The following TTC16 variants were observed in gnomAD, a reference collection of about 807,000 sequenced individuals.
TTC16 encodes the protein tetratricopeptide repeat protein 16.
TTC16 carries 66 observed loss-of-function variants against 80.4 expected under a neutral mutation model. The observed-to-expected ratio is 0.82, with a 90% CI of 0.67 to 1.01. The LOEUF (loss-of-function observed/expected upper bound fraction) is 1.01, where lower values mean the gene tolerates loss of function less well. TTC16 is among the 50% of genes least tolerant of loss of function. The pLI is 0.00. For synonymous variants in TTC16, 438 were observed against 451.3 expected (o/e 0.97, Z 0.37); for missense variants, 1,070 against 1,103.2 (o/e 0.97, Z 0.43).
Position 127,717,685 on chromosome 9 carries a change from G to C in TTC16, c.339G>C (p.Ser113=), listed in dbSNP as rs780250108. The stretch of plus-strand genomic sequence containing the variant: ...ACCTCCAGCTCTGTGACTTCTCCTC[G>C]GCCGCCCAGAACCTGCGAAGGGCCT... ...EAYLQLCDFS[S]AAQNLRRAYS... The change falls in exon 4 of 14, where the codon TCG becomes TCC. Residue 113 remains serine, a synonymous_variant. Coordinates refer to ENST00000373289, the MANE Select transcript of TTC16 (RefSeq NM_144965.3). 6.2e-7 allele frequency: 1 copy of C among 1,613,956 alleles called. No individual in the cohort carries two copies. Among genetic ancestry groups the C allele is most frequent in the Non-Finnish European group, 8.5e-7 (1 of 1,180,016 alleles).
In TTC16 at chr9:127,720,407, A is replaced by G. The variant is rs1255688776; in HGVS notation, c.657+12A>G. The G allele has an allele frequency of 1.6e-4, 117 of 754,274 alleles. No individual in the cohort carries two copies. Among genetic ancestry groups the G allele is most frequent in the Admixed American group, 5.1e-4 (24 of 46,672 alleles). The allele number at this position is 754,274 out of a possible 1,614,324, so 46.7% of individuals were successfully genotyped here. A position where few individuals can be genotyped will look rare whatever the true frequency, so the allele number is the denominator to read the frequency against. On this transcript the variant is annotated intron_variant, in intron 6 of 13. Coordinates refer to ENST00000373289, the MANE Select transcript of TTC16 (RefSeq NM_144965.3). ...ACTTTCTCCAGAAGGTACAGTGGGG[A>G]GGGCGGGCAGGGGCATGCCCCCCAA... is the stretch of plus-strand genomic sequence containing the variant.
rs1240076343 is a variant in TTC16, at chr9:127,722,677, C to T, written c.658-442C>T. ...TCTCCTTCAAGAGGCAGAAAGGGGC[C>T]AGGCATGGAGACTCAAACCTGTAAT... On this transcript the variant is annotated intron_variant, in intron 6 of 13. Coordinates refer to ENST00000373289, the MANE Select transcript of TTC16 (RefSeq NM_144965.3). The surrounding 1 kb of genome is among the most constrained non-coding windows in gnomAD (Gnocchi z 4.2). Among the ~76,000 whole-genome samples, 1 of 152,092 alleles carries T rather than the reference C, an allele frequency of 6.6e-6. No individual in the cohort carries two copies. The highest frequency in any genetic ancestry group is 1.5e-5 in the Non-Finnish European group (1 of 68,024).
chr9:127,717,120 C>G lies in TTC16; in HGVS notation c.191+104C>G, dbSNP rs780806088. The G allele has an allele frequency of 4.1e-6, 6 of 1,450,500 alleles. No homozygotes were observed. The South Asian group carries it at 6.0e-5, about 14-fold the overall frequency. The allele number at this position is 1,450,500 out of a possible 1,614,324, so 89.9% of individuals were successfully genotyped here. A position where few individuals can be genotyped will look rare whatever the true frequency, so the allele number is the denominator to read the frequency against. On this transcript the variant is annotated intron_variant, in intron 2 of 13. Transcript: ENST00000373289. ...TACTCTCTTCAGGCCTCAGTGAACTCAACTGTCTAATGGGGCTCTTCCACC... is the reference window on the plus strand; with the variant it reads ...TACTCTCTTCAGGCCTCAGTGAACTGAACTGTCTAATGGGGCTCTTCCACC...
rs755325218 is a variant in TTC16 at position 127,730,969 on chromosome 9, AG to A, written c.2190del (p.Gln731ArgfsTer111). 4 of 1,612,886 alleles carry A rather than the reference AG, an allele frequency of 2.5e-6. No individual in the cohort carries two copies. The African/African-American group carries it at 5.4e-5, about 22-fold the overall frequency. On this transcript the variant is annotated frameshift_variant, in exon 14 of 14. Coordinates refer to ENST00000373289, the MANE Select transcript of TTC16 (RefSeq NM_144965.3). LOFTEE classifies it low-confidence loss of function (END_TRUNC). ...NSSKTRATQGQGQSSSKTEAT... is the reference protein window; with the variant it reads ...NSSKTRATQGXGQSSSKTEAT... ...AGCAAGACCAGGGCCACCCAGGGCC[AG>A]GGGCAGAGCTCCAGCAAGACTGAGG...
intron 8 of TTC16, 125 bp from the exon 9 acceptor site, chr9:127,724,631 G>A: frequency 7.5e-7 from 1 of 1,341,268 alleles, no homozygotes; most frequent in South Asian, 1.4e-5. Context: ...AGAGAGGACG[G>A]AGACTGCGGC....
In TTC16 at chr9:127,722,259, T is replaced by G. The variant is rs1200553357; in HGVS notation, c.658-860T>G. On this transcript the variant is annotated intron_variant, in intron 6 of 13. Transcript: ENST00000373289. This position sits in a 1 kb window ranked among gnomAD's most constrained non-coding sequence, Gnocchi z 4.2. ...CCACCCACACCTGCTGTCCACACCA[T>G]CCCGTTCACCTGCCAGCCAGTCACC... Among the ~76,000 whole-genome samples the G allele has an allele frequency of 6.6e-6, 1 of 152,106 alleles. No homozygotes were observed. The highest frequency in any genetic ancestry group is 1.5e-5 in the Non-Finnish European group (1 of 68,000).
chr9:127,729,616 G>A lies in TTC16; in HGVS notation c.1800G>A (p.Ala600=), dbSNP rs375140845. Residue 600 remains alanine (A), a synonymous_variant, in exon 13 of 14, where the codon GCG becomes GCA. Coordinates refer to ENST00000373289, the MANE Select transcript of TTC16 (RefSeq NM_144965.3). The part of the protein sequence containing the change: ...KKSELIPSKV[A]SLSDSYLDQT... ...CAGAGCTCATACCTAGCAAGGTGGC[G>A]TCCCTGTCTGACAGCTACCTTGACC... 4.1e-5 allele frequency: 66 copies of A among 1,613,710 alleles called. No individual in the cohort carries two copies. The highest frequency in any genetic ancestry group is 1.7e-4 in the African/African-American group (13 of 74,942).
intron 12 of TTC16, chr9:127,728,142 T>G (rs1844126840): frequency 6.6e-6 from 1 of 152,226 alleles, no homozygotes; most frequent in African/African-American, 2.4e-5. Flanking sequence ...CAAACTGCAT[T>G]ACACCCATGA....
In TTC16 at chr9:127,729,608, A is replaced by G; in HGVS notation, c.1792A>G (p.Lys598Glu). The part of the protein sequence containing the change: ...EEKKSELIPS[K>E]VASLSDSYLD... Reference sequence around the variant, plus strand: ...GAAAAAATCAGAGCTCATACCTAGCAAGGTGGCGTCCCTGTCTGACAGCTA... The same window carrying G: ...GAAAAAATCAGAGCTCATACCTAGCGAGGTGGCGTCCCTGTCTGACAGCTA... Residue 598 changes from lysine (K) to glutamate (E), a missense_variant, in exon 13 of 14, where the codon AAG becomes GAG. Coordinates refer to ENST00000373289, the MANE Select transcript of TTC16 (RefSeq NM_144965.3). 1.2e-6 allele frequency: 2 copies of G among 1,613,840 alleles called. No homozygotes were observed. The highest frequency in any genetic ancestry group is 1.7e-6 in the Non-Finnish European group (2 of 1,179,996).
chr9:127,720,093 G>C lies in TTC16; in HGVS notation c.442G>C (p.Glu148Gln), dbSNP rs2131626607. 6.2e-7 allele frequency: 1 copy of C among 1,613,798 alleles called. No homozygotes were observed. The highest frequency in any genetic ancestry group is 8.5e-7 in the Non-Finnish European group (1 of 1,179,974). ...GTGTCCCCAGGGACAATGCCTTTTT[G>C]AGCAGTGTGCCTTCCTGGATGCCCT... ...VLYLQGQCLF[E>Q]QCAFLDALNV... Residue 148 changes from glutamate to glutamine, a missense_variant, in exon 5 of 14, where the codon GAG (glutamate) becomes CAG (glutamine). Transcript: ENST00000373289.
Position 127,727,464 on chromosome 9 carries a change from A to G in TTC16, c.1763A>G (p.Glu588Gly), listed in dbSNP as rs13298768. The G allele has an allele frequency of 0.43, 677,530 of 1,564,674 alleles. 149,870 individuals are homozygous for G. The highest frequency in any genetic ancestry group is 0.55 in the Middle Eastern group (3,290 of 6,004). Residue 588 changes from glutamate (E) to glycine (G), a missense_variant and splice_region_variant, in exon 12 of 14, where the codon GAG becomes GGG. Glu to Gly is a moderately conservative substitution (Grantham distance 98). Coordinates refer to ENST00000373289, the MANE Select transcript of TTC16 (RefSeq NM_144965.3). ...EEEEKEKEKK[E>G]EKKSELIPSK... ...GAAGAAAAGGAGAAGGAGAAAAAAG[A>G]GGTAAGTGGAGTACAGGCCAGGGCT... is the stretch of plus-strand genomic sequence containing the variant.
In TTC16 at chr9:127,731,009, G is replaced by C; in HGVS notation, c.2226G>C (p.Gln742His). The change falls in exon 14 of 14, where the codon CAG (glutamine) becomes CAC (histidine). Residue 742 changes from glutamine (Q) to histidine (H), a missense_variant. By Grantham distance (24) the Gln-to-His change is conservative. Coordinates refer to ENST00000373289, the MANE Select transcript of TTC16 (RefSeq NM_144965.3). The stretch of plus-strand genomic sequence containing the variant: ...GCAAGACTGAGGCCACTCAGGGCCA[G>C]AGGCAGAGCTCCAGCGAGATTGAGG... Reference protein sequence around the residue: ...SSSKTEATQGQRQSSSEIEAT... With the variant: ...SSSKTEATQGHRQSSSEIEAT... The C allele has an allele frequency of 6.2e-7, 1 of 1,612,244 alleles. No homozygotes were observed. Among genetic ancestry groups the C allele is most frequent in the Non-Finnish European group, 8.5e-7 (1 of 1,179,694 alleles).
At chr9:127,724,043 G>T (rs1046635564) in intron 7 of TTC16, 77 bp from the exon 8 acceptor site, 43 of 1,455,922 alleles carry the variant, frequency 3.0e-5, no homozygotes, top group South Asian at 1.4e-5. Context: ...GCAGTGGCTT[G>T]TCTGGCCACT....
intron 4 of TTC16, among the ~76,000 whole-genome samples, chr9:127,719,324 T>G (rs1468579221): frequency 2.0e-5 from 3 of 152,222 alleles, no homozygotes; most frequent in African/African-American, 7.2e-5. Flanking sequence ...TGTACCCTTG[T>G]GCAAGTCACT....
chr9:127,726,394 A>G lies in TTC16; in HGVS notation c.1415A>G (p.Lys472Arg). Reference protein sequence around the residue: ...DVATVLLLNPKQPKLSLLMTN... With the variant: ...DVATVLLLNPRQPKLSLLMTN... ...GCCACTGTCCTGCTCCTCAACCCCAAGCAACCAAAGGTAGGTTCCTGCCAC... is the reference window on the plus strand; with the variant it reads ...GCCACTGTCCTGCTCCTCAACCCCAGGCAACCAAAGGTAGGTTCCTGCCAC... Residue 472 changes from lysine to arginine, a missense_variant, in exon 10 of 14, where the codon AAG (lysine) becomes AGG (arginine). Physicochemically the swap from Lys to Arg is conservative, Grantham distance 26 (BLOSUM62 2). Coordinates refer to ENST00000373289, the MANE Select transcript of TTC16 (RefSeq NM_144965.3). The G allele has an allele frequency of 3.1e-6, 5 of 1,600,920 alleles. No homozygotes were observed. Among genetic ancestry groups the G allele is most frequent in the Non-Finnish European group, 4.3e-6 (5 of 1,172,178 alleles).
chr9:127,724,145 G>A lies in TTC16; in HGVS notation c.898G>A (p.Glu300Lys). Residue 300 changes from glutamate (E) to lysine (K), a missense_variant, in exon 8 of 14, where the codon GAG (glutamate) becomes AAG (lysine). By Grantham distance (56) the Glu-to-Lys change is moderately conservative. Transcript: ENST00000373289. ...GGGCACCATGTACCGACGGCTCCAG[G>A]AGTTCGATGGGGCAGTGGAGGACTT... ...FRGTMYRRLQ[E>K]FDGAVEDFLK... The A allele has an allele frequency of 6.2e-7, 1 of 1,612,844 alleles. No homozygotes were observed. The highest frequency in any genetic ancestry group is 8.5e-7 in the Non-Finnish European group (1 of 1,179,814).
Position 127,724,831 on chromosome 9 carries a change from A to G in TTC16, c.1193A>G (p.Asp398Gly), listed in dbSNP as rs1371335481. 1.2e-6 allele frequency: 2 copies of G among 1,604,092 alleles called. No individual in the cohort carries two copies. The highest frequency in any genetic ancestry group is 2.2e-5 in the East Asian group (1 of 44,630). ...YQQALALSPQ[D>G]EGANTRMGLL... Reference sequence around the variant, plus strand: ...CAGGCGCTGGCGCTGAGCCCTCAGGACGAGGGCGCCAACACGCGCATGGGC... The same window carrying G: ...CAGGCGCTGGCGCTGAGCCCTCAGGGCGAGGGCGCCAACACGCGCATGGGC... The change falls in exon 9 of 14, where the codon GAC becomes GGC. Residue 398 changes from aspartate to glycine, a missense_variant. Transcript: ENST00000373289.
At chr9:127,724,613 A>T in intron 8 of TTC16, 143 bp from the exon 9 acceptor site, 1 of 1,248,844 alleles carries the variant, frequency 8.0e-7, no homozygotes, top group Non-Finnish European at 1.1e-6. Flanking sequence ...CCAGACGCCC[A>T]GAAAACTAGA....
intron 6 of TTC16, 34 bp downstream of exon 6, chr9:127,720,429 C>A: frequency 1.9e-6 from 3 of 1,609,946 alleles, no homozygotes; most frequent in Non-Finnish European, 2.5e-6. Flanking sequence ...GGCATGCCCC[C>A]CAACCTGGGA....
Sources: gnomAD v4.1 joint callset for allele counts (sites outside exome capture counted in the v4.1 genomes callset) on GRCh38, gnomAD v4.1.1 for gene constraint, Gnocchi (gnomAD v3.1) non-coding constraint, MANE v1.5 for transcripts, NCBI Gene and HGNC (gene_info 2026-07-23, HGNC 2026-07-21) for gene names.